Variants in LANCL3 observed in about 807,000 individuals in gnomAD.
LANCL3 encodes the protein LanC like family member 3.
In LANCL3, 19 loss-of-function variants were observed where a neutral mutation model predicts 26.5. That is an observed-to-expected ratio of 0.72 (90% CI 0.50 to 1.05). The LOEUF (loss-of-function observed/expected upper bound fraction) is 1.05, where lower values mean the gene tolerates loss of function less well. Ranked by LOEUF, LANCL3 falls within the 50% of genes least tolerant of loss-of-function variation. The probability of loss-of-function intolerance (pLI) is 0.00; values close to 1 mark genes in which losing one functional copy is unlikely to be tolerated. For synonymous variants in LANCL3, 160 were observed against 166.6 expected, an observed-to-expected ratio of 0.96 and a Z score of 0.30; for missense variants, 318 against 362.7, an observed-to-expected ratio of 0.88 and a Z score of 1.00.
chrX:37,573,301 C>A (rs2335035), intron 1 of LANCL3, among the ~76,000 whole-genome samples: 1 of 112,132 alleles, frequency 8.9e-6, no homozygotes, highest in Admixed American at 9.4e-5. Context: ...GTGACTAGAA[C>A]GGAGAGAGAG....
chrX:37,587,432 G>T (rs1924130586), intron 1 of LANCL3, among the ~76,000 whole-genome samples: 1 of 112,700 alleles, frequency 8.9e-6, no homozygotes, highest in Admixed American at 9.3e-5. Flanking sequence ...CTTGAGCTGC[G>T]GTGGGCTCCA....
At chrX:37,642,647 G>C (rs902001602) in intron 1 of LANCL3, among the ~76,000 whole-genome samples, 2 of 111,871 alleles carry the variant, frequency 1.8e-5, no homozygotes, top group African/African-American at 3.2e-5. Flanking sequence ...TGAAGCTCCT[G>C]CAGATTCCTC....
At chrX:37,669,044 GTTA>G (rs1348287426) in intron 4 of LANCL3, among the ~76,000 whole-genome samples, 8 of 111,798 alleles carry the variant, frequency 7.2e-5, no homozygotes, top group Non-Finnish European at 1.5e-4. Context: ...AATGTTCATT[GTTA>G]TTAGTATAAA....
At position 37,675,654 on chromosome X, in the gene LANCL3, G is replaced by A; in HGVS notation, c.1104G>A (p.Arg368=). Residue 368 remains arginine, a splice_region_variant and synonymous_variant, in exon 5 of 5, where the codon AGG becomes AGA. Coordinates refer to ENST00000378619, the MANE Select transcript of LANCL3 (RefSeq NM_001170331.2). ...GNSKYIYRAQ[R]FAQFLFTEEF... The stretch of plus-strand genomic sequence containing the variant: ...TGTTCATATTTTCTTCTTCTCTTAG[G>A]TTTGCTCAATTCTTATTTACCGAGG... 1 of 1,123,542 alleles carries A rather than the reference G, an allele frequency of 8.9e-7. No individual in the cohort carries two copies. Among genetic ancestry groups the A allele is most frequent in the Non-Finnish European group, 1.2e-6 (1 of 849,430 alleles). The allele number at this position is 1,123,542 out of a possible 1,213,427, so 92.6% of individuals were successfully genotyped here.
At chrX:37,661,518 A>G (rs1391623282) in intron 3 of LANCL3, among the ~76,000 whole-genome samples, 8 of 110,959 alleles carry the variant, frequency 7.2e-5, no homozygotes, top group African/African-American at 2.6e-4. Context: ...AGTGGGGCCC[A>G]TTATTTTACC....
chrX:37,605,544 G>A (rs1924685414), intron 1 of LANCL3, among the ~76,000 whole-genome samples: 1 of 111,322 alleles, frequency 9.0e-6, no homozygotes, highest in Admixed American at 9.5e-5. Context: ...CCTAAAAGAT[G>A]AGCAACAGCC....
chrX:37,646,673 T>C (rs1925992712), intron 1 of LANCL3, among the ~76,000 whole-genome samples: 2 of 112,068 alleles, frequency 1.8e-5, no homozygotes, highest in Non-Finnish European at 3.8e-5. Context: ...TGCTGTTTCA[T>C]GTGGGACAGG....
chrX:37,615,876 T>C (rs1391993562), intron 1 of LANCL3, among the ~76,000 whole-genome samples: 1 of 112,076 alleles, frequency 8.9e-6, no homozygotes. Context: ...ATTGTCTGAA[T>C]AGCGATCCCA....
rs1202152654 is a variant in LANCL3 at position 37,683,398 on chromosome X, G to A, written c.*7585G>A. The stretch of plus-strand genomic sequence containing the variant: ...TATTATTAATAAAATTGTACTATTT[G>A]CAATATATTTGCCTTGGCACAAATG... On this transcript the variant is annotated 3_prime_UTR_variant, in exon 5 of 5. Transcript: ENST00000378619. 2.7e-5 allele frequency: 3 copies of A among 111,431 alleles called. No individual in the cohort carries two copies. The highest frequency in any genetic ancestry group is 5.7e-5 in the Non-Finnish European group (3 of 53,001). The allele number at this position is 111,431 out of a possible 1,213,427, so 9.2% of individuals were successfully genotyped here.
intron 1 of LANCL3, among the ~76,000 whole-genome samples, chrX:37,625,773 T>A (rs1324512411): frequency 1.8e-5 from 2 of 111,101 alleles, no homozygotes; most frequent in Non-Finnish European, 3.8e-5. Context: ...ATCTGCAAAT[T>A]TGGGCTAGGT....
intron 1 of LANCL3, among the ~76,000 whole-genome samples, chrX:37,612,561 T>C (rs781863645): frequency 2.3e-4 from 26 of 112,783 alleles, no homozygotes; most frequent in African/African-American, 7.4e-4. Context: ...TGATGTATTA[T>C]GCTTAACTGT....
intron 1 of LANCL3, among the ~76,000 whole-genome samples, chrX:37,621,591 A>T (rs1925162053): frequency 8.9e-6 from 1 of 112,797 alleles, no homozygotes; most frequent in Non-Finnish European, 1.9e-5. Flanking sequence ...TATTTTCCTC[A>T]GCTCACTGCT....
At chrX:37,584,618 A>T (rs1320487564) in intron 1 of LANCL3, among the ~76,000 whole-genome samples, 1 of 111,739 alleles carries the variant, frequency 8.9e-6, no homozygotes, top group East Asian at 2.8e-4. Flanking sequence ...AGGTGTTTAT[A>T]GTATTCTCTG....
chrX:37,599,542 C>T (rs1257838593), intron 1 of LANCL3, among the ~76,000 whole-genome samples: 7 of 112,222 alleles, frequency 6.2e-5, no homozygotes, highest in Non-Finnish European at 1.3e-4. Context: ...ATTTTGCCAA[C>T]GGTTTCCAGC....
At position 37,622,112 on chromosome X, in the gene LANCL3, C is replaced by T. The variant is rs368833296; in HGVS notation, c.574-33576C>T. ...GATTGTTCCCTTCAACTTGACATTT[C>T]CCTGGAATCACAATTCTTATAGTGG... On this transcript the variant is annotated intron_variant, in intron 1 of 4. Coordinates refer to ENST00000378619, the MANE Select transcript of LANCL3 (RefSeq NM_001170331.2). Among the ~76,000 whole-genome samples the T allele has an allele frequency of 6.3e-5, 7 of 111,553 alleles. No individual in the cohort carries two copies. The East Asian group carries it at 8.4e-4, about 13-fold the overall frequency.
intron 1 of LANCL3, among the ~76,000 whole-genome samples, chrX:37,578,485 A>G (rs1162009451): frequency 8.9e-5 from 10 of 111,903 alleles, no homozygotes; most frequent in African/African-American, 3.3e-4. Flanking sequence ...TCCATGTGTC[A>G]TGACACCTGT....
chrX:37,620,951 T>A (rs182183000), intron 1 of LANCL3, among the ~76,000 whole-genome samples: 4 of 111,584 alleles, frequency 3.6e-5, no homozygotes, highest in Admixed American at 9.5e-5. Flanking sequence ...GCTCCTCTCC[T>A]AGTACACTTC....
At chrX:37,608,362 C>G (rs1924772642) in intron 1 of LANCL3, among the ~76,000 whole-genome samples, 1 of 111,892 alleles carries the variant, frequency 8.9e-6, no homozygotes, top group South Asian at 3.7e-4. Context: ...GTTTCTGTTT[C>G]CATGGGTCTG....
chrX:37,682,285 G>C lies in LANCL3; in HGVS notation c.*6472G>C, dbSNP rs1314486934. ...GCCCGGCTAATTTTTTGTATTTTTAGTAGAGACGGGGTTTCACCGTTTTAG... is the reference window on the plus strand; with the variant it reads ...GCCCGGCTAATTTTTTGTATTTTTACTAGAGACGGGGTTTCACCGTTTTAG... On this transcript the variant is annotated 3_prime_UTR_variant, in exon 5 of 5. Transcript: ENST00000378619. 9.2e-6 allele frequency: 1 copy of C among 108,364 alleles called. No homozygotes were observed. Among genetic ancestry groups the C allele is most frequent in the African/African-American group, 3.4e-5 (1 of 29,785 alleles). 8.9% of individuals were successfully genotyped at this position (108,364 alleles called of 1,213,427 possible).
Sources: allele counts gnomAD v4.1 joint callset (sites outside exome capture counted in the v4.1 genomes callset), GRCh38; gene constraint gnomAD v4.1.1; transcripts MANE v1.5; gene names NCBI Gene and HGNC (gene_info 2026-07-23, HGNC 2026-07-21).